The following SMARCB1 variants were observed in gnomAD, a reference collection of about 807,000 sequenced individuals.
SMARCB1 encodes the protein SWI/SNF-related matrix-associated actin-dependent regulator of chromatin subfamily B member 1.
In SMARCB1, 5 loss-of-function variants were observed where a neutral mutation model predicts 49.0. That is an observed-to-expected ratio of 0.10 (90% CI 0.05 to 0.21). The LOEUF (loss-of-function observed/expected upper bound fraction) is 0.21. Ranked by LOEUF, SMARCB1 falls within the 10% of genes least tolerant of loss-of-function variation. The probability of loss-of-function intolerance (pLI) is 1.00; values close to 1 mark genes in which losing one functional copy is unlikely to be tolerated. For missense variants in SMARCB1, 226 were observed against 509.2 expected (o/e 0.44, Z 5.35); for synonymous variants, 201 against 200.1 (o/e 1.00, Z -0.04).
At chr22:23,823,047 T>G (rs1048356362) in intron 6 of SMARCB1, 15 of 128,112 alleles carry the variant, frequency 1.2e-4, no homozygotes, top group African/African-American at 3.6e-4. Flanking sequence ...ACACCTGAGC[T>G]CCAGTGATCT....
chr22:23,787,060 C>A lies in SMARCB1; in HGVS notation c.-110C>A. 1.4e-6 allele frequency: 1 copy of A among 720,084 alleles called. No homozygotes were observed. The highest frequency in any genetic ancestry group is 1.5e-5 in the South Asian group (1 of 65,200). 44.6% of individuals were successfully genotyped at this position (720,084 alleles called of 1,614,324 possible). A position where few individuals can be genotyped will look rare whatever the true frequency, so the allele number is the denominator to read the frequency against. On this transcript the variant is annotated 5_prime_UTR_variant, in exon 1 of 9. Transcript: ENST00000644036. ...TGAGGCGCCAGTACCCGGCCCGGTCCGCATTTCGCCTTCCGGCTTCGGTTT... is the reference window on the plus strand; with the variant it reads ...TGAGGCGCCAGTACCCGGCCCGGTCAGCATTTCGCCTTCCGGCTTCGGTTT...
intron 6 of SMARCB1, among the ~76,000 whole-genome samples, chr22:23,819,193 C>T (rs1480533395): frequency 6.6e-6 from 1 of 152,156 alleles, no homozygotes; most frequent in Non-Finnish European, 1.5e-5. Context: ...TTGTATGGAT[C>T]TATCACATTT....
At chr22:23,810,762 G>A (rs1759884757) in intron 5 of SMARCB1, among the ~76,000 whole-genome samples, 1 of 152,108 alleles carries the variant, frequency 6.6e-6, no homozygotes, top group Non-Finnish European at 1.5e-5. Flanking sequence ...GGGCATGGTG[G>A]CTTATGCCTG....
rs1268653633 is a variant in SMARCB1 at position 23,791,859 on chromosome 22, C to T, written c.197C>T (p.Ser66Leu). ...TVEERKKIVASSHGKKTKPNT... is the reference protein window; with the variant it reads ...TVEERKKIVALSHGKKTKPNT... ...GAAGAGAGGAAGAAAATAGTTGCAT[C>T]GTCACATGGTAAAAAAACAAAACCT... Residue 66 changes from serine to leucine, a missense_variant, in exon 2 of 9, where the codon TCG becomes TTG. Physicochemically the swap from Ser to Leu is moderately radical, Grantham distance 145 (BLOSUM62 -2). Transcript: ENST00000644036. The T allele has an allele frequency of 3.7e-6, 6 of 1,614,018 alleles. No homozygotes were observed. Among genetic ancestry groups the T allele is most frequent in the South Asian group, 3.3e-5 (3 of 91,076 alleles).
At chr22:23,800,849 A>G (rs893286867) in intron 3 of SMARCB1, 95 bp from the exon 4 acceptor site, 1 of 958,668 alleles carries the variant, frequency 1.0e-6, no homozygotes, top group South Asian at 1.3e-5. Context: ...AGCCTGACAG[A>G]GGTACAGTGG....
At chr22:23,803,042 T>G (rs902160580) in intron 4 of SMARCB1, 3 of 576,026 alleles carry the variant, frequency 5.2e-6, no homozygotes, top group Non-Finnish European at 6.2e-6. Context: ...TGTCTGGGTG[T>G]TGTTCCAACA....
chr22:23,812,505 A>T (rs999432213), intron 5 of SMARCB1, among the ~76,000 whole-genome samples: 3 of 152,104 alleles, frequency 2.0e-5, no homozygotes, highest in Non-Finnish European at 4.4e-5. Context: ...TAGATACCAA[A>T]CCTAAAGACA....
In SMARCB1 at chr22:23,809,963, A is replaced by G. The variant is rs1390209805; in HGVS notation, c.628+6541A>G. Among the ~76,000 whole-genome samples the G allele has an allele frequency of 7.1e-4, 96 of 135,292 alleles. No homozygotes were observed. In the Middle Eastern group the frequency reaches 0.027, roughly 39 times the overall value. 88.8% of individuals were successfully genotyped at this position (135,292 alleles called of 152,430 possible). On this transcript the variant is annotated intron_variant, in intron 5 of 8. Transcript: ENST00000644036. The stretch of plus-strand genomic sequence containing the variant: ...AGGCGGGCGGATCACGAGGTCAGGA[A>G]TTGGAGGCCAGCCTGACCAACATGG...
rs192489431 is a variant in SMARCB1 at position 23,798,419 on chromosome 22, T to G, written c.363-2525T>G. On this transcript the variant is annotated intron_variant, in intron 3 of 8. Coordinates refer to ENST00000644036, the MANE Select transcript of SMARCB1 (RefSeq NM_003073.5). ...CCATCTCTATAAAAATAAAAAAATT[T>G]AAAAATTGCACTCTGAGCGGCCAGG... 9.2e-5 allele frequency among the ~76,000 whole-genome samples: 14 copies of G among 152,006 alleles called. No homozygotes were observed. The East Asian group carries it at 2.7e-3, about 30-fold the overall frequency.
chr22:23,828,546 C>G (rs541310906), intron 7 of SMARCB1, among the ~76,000 whole-genome samples: 8 of 152,120 alleles, frequency 5.3e-5, no homozygotes, highest in Admixed American at 4.6e-4. Flanking sequence ...CCCAGCTACT[C>G]GGGAGGCTGA....
At chr22:23,789,202 G>C (rs944236783) in intron 1 of SMARCB1, among the ~76,000 whole-genome samples, 4 of 152,130 alleles carry the variant, frequency 2.6e-5, no homozygotes, top group African/African-American at 9.7e-5. Flanking sequence ...TTTTCACGTT[G>C]TCACTTAAAT....
At chr22:23,813,222 C>A (rs1291362979) in intron 5 of SMARCB1, among the ~76,000 whole-genome samples, 1 of 152,200 alleles carries the variant, frequency 6.6e-6, no homozygotes, top group Non-Finnish European at 1.5e-5. Flanking sequence ...AGACCAGGAA[C>A]AAGCCAAATA....
At chr22:23,826,603 C>G (rs986750681) in intron 7 of SMARCB1, among the ~76,000 whole-genome samples, 14 of 152,180 alleles carry the variant, frequency 9.2e-5, no homozygotes, top group Non-Finnish European at 2.9e-5. Context: ...CTATCATCAT[C>G]CACATCTGCA....
intron 6 of SMARCB1, among the ~76,000 whole-genome samples, chr22:23,820,296 C>T (rs79305028): frequency 0.11 from 15,894 of 149,830 alleles, 2,539 homozygotes; most frequent in African/African-American, 0.35. Context: ...GGTAGATGGC[C>T]GGGTGCAGTG....
intron 6 of SMARCB1, chr22:23,817,268 A>C: frequency 2.2e-6 from 1 of 447,324 alleles, no homozygotes; most frequent in Non-Finnish European, 4.1e-6. Context: ...TAACCCAATA[A>C]GATGCTGCCT....
In SMARCB1 at chr22:23,837,143, C is replaced by T; in HGVS notation, c.*2963C>T. ...TCCTCCAGGAAGTAGTAGATATGGC[C>T]CACCGCAATCCCTGTGAGACAGCCA... is the stretch of plus-strand genomic sequence containing the variant. On this transcript the variant is annotated 3_prime_UTR_variant, in exon 9 of 9. Coordinates refer to ENST00000644036, the MANE Select transcript of SMARCB1 (RefSeq NM_003073.5). The T allele has an allele frequency of 6.2e-7, 1 of 1,613,932 alleles. No homozygotes were observed. Among genetic ancestry groups the T allele is most frequent in the Non-Finnish European group, 8.5e-7 (1 of 1,179,918 alleles).
chr22:23,799,890 T>C (rs1929035778), intron 3 of SMARCB1, among the ~76,000 whole-genome samples: 1 of 152,128 alleles, frequency 6.6e-6, no homozygotes, highest in South Asian at 2.1e-4. Context: ...TTCACCATGT[T>C]GGCCAGGCTG....
chr22:23,808,514 C>A (rs1305814601), intron 5 of SMARCB1, among the ~76,000 whole-genome samples: 1 of 152,082 alleles, frequency 6.6e-6, no homozygotes, highest in Non-Finnish European at 1.5e-5. Context: ...CCTCGGCCTC[C>A]CAAAGTGCTG....
chr22:23,812,393 CA>C (rs1929929192), intron 5 of SMARCB1, among the ~76,000 whole-genome samples: 3 of 152,248 alleles, frequency 2.0e-5, no homozygotes, highest in Admixed American at 2.0e-4. Context: ...TTCTGTCTAT[CA>C]AATGTTGACG....
Sources: allele counts gnomAD v4.1 joint callset (sites outside exome capture counted in the v4.1 genomes callset), GRCh38; gene constraint gnomAD v4.1.1; transcripts MANE v1.5; gene names NCBI Gene and HGNC (gene_info 2026-07-23, HGNC 2026-07-21).